Variants in GUCA1A observed in about 807,000 individuals in gnomAD.
The protein encoded by GUCA1A is guanylyl cyclase-activating protein 1.
In GUCA1A, 14 loss-of-function variants were observed where a neutral mutation model predicts 18.5. The observed-to-expected ratio is 0.76, with a 90% CI of 0.50 to 1.18. GUCA1A has a LOEUF of 1.18. Ranked by LOEUF, GUCA1A falls within the 50% of genes most tolerant of loss-of-function variation. The pLI, the probability that GUCA1A is intolerant of heterozygous loss-of-function variation, is 0.00. For missense variants in GUCA1A, 264 were observed against 262.4 expected (o/e 1.01, Z -0.04); for synonymous variants, 97 against 100.2 (o/e 0.97, Z 0.19).
At chr6:42,178,706 TC>T (rs1768029689) in intron 2 of GUCA1A, 95 bp from the exon 3 acceptor site, 1 of 1,008,240 alleles carries the variant, frequency 9.9e-7, no homozygotes, top group South Asian at 1.3e-5. Context: ...TCCTCACTGC[TC>T]TTGGGAGCCG....
At chr6:42,179,004 A>G in intron 3 of GUCA1A, 109 bp downstream of exon 3, 2 of 985,550 alleles carry the variant, frequency 2.0e-6, no homozygotes, top group Admixed American at 1.8e-5. Context: ...GAGAGGCCCA[A>G]AGGCCCCCGT....
At position 42,173,620 on chromosome 6, in the gene GUCA1A, A is replaced by T. The variant is rs751403058; in HGVS notation, c.7A>T (p.Asn3Tyr). MG[N>Y]VMEGKSVEEL... The stretch of plus-strand genomic sequence containing the variant: ...CCCCCTGAAGGCCTGAGCAATGGGC[A>T]ACGTGATGGAGGGAAAGTCAGTGGA... The change falls in exon 1 of 4, where the codon AAC (asparagine) becomes TAC (tyrosine). Residue 3 changes from asparagine (N) to tyrosine (Y), a missense_variant. Coordinates refer to ENST00000372958, the MANE Select transcript of GUCA1A (RefSeq NM_001384910.1). 1 of 1,613,780 alleles carries T rather than the reference A, an allele frequency of 6.2e-7. No individual in the cohort carries two copies. Among genetic ancestry groups the T allele is most frequent in the South Asian group, 1.1e-5 (1 of 91,074 alleles).
intron 2 of GUCA1A, 68 bp from the exon 3 acceptor site, chr6:42,178,734 C>T (rs1200113687): frequency 4.0e-6 from 5 of 1,250,660 alleles, no homozygotes; most frequent in East Asian, 4.6e-5. Context: ...CTCTGACCGT[C>T]CCCAATCCTA....
rs965029730 is a variant in GUCA1A at position 42,179,414 on chromosome 6, C to A, written c.*11C>A. 1 of 1,572,492 alleles carries A rather than the reference C, an allele frequency of 6.4e-7. No individual in the cohort carries two copies. The highest frequency in any genetic ancestry group is 8.6e-7 in the Non-Finnish European group (1 of 1,156,748). On this transcript the variant is annotated 3_prime_UTR_variant, in exon 4 of 4. Coordinates refer to ENST00000372958, the MANE Select transcript of GUCA1A (RefSeq NM_001384910.1). ...GAGGCAGCCGGCTGAGTGCACCGCC[C>A]GGCTGCTTCTGCACTAGCGGGTGGG...
In GUCA1A at chr6:42,173,479, C is replaced by A; in HGVS notation, c.-135C>A. 5 of 716,588 alleles carry A rather than the reference C, an allele frequency of 7.0e-6. No individual in the cohort carries two copies. Among genetic ancestry groups the A allele is most frequent in the Non-Finnish European group, 1.3e-5 (5 of 396,888 alleles). The allele number at this position is 716,588 out of a possible 1,614,324, so 44.4% of individuals were successfully genotyped here. ...TCCCGGTACCATCTGATCCATCAGG[C>A]CCTTCTTTGCTCAGGCCTGAAGGAC... On this transcript the variant is annotated 5_prime_UTR_variant, in exon 1 of 4. Transcript: ENST00000372958.
Position 42,178,788 on chromosome 6 carries a change from T to A in GUCA1A, c.352-14T>A. The A allele has an allele frequency of 2.5e-6, 4 of 1,599,464 alleles. No individual in the cohort carries two copies. The highest frequency in any genetic ancestry group is 3.4e-6 in the Non-Finnish European group (4 of 1,166,696). ...GATGGGCCCCTCTCACTTCTGCCCC[T>A]TCTTCCCTCCCAGGCCATTCGCGCC... On this transcript the variant is annotated splice_polypyrimidine_tract_variant and intron_variant, in intron 2 of 3. Coordinates refer to ENST00000372958, the MANE Select transcript of GUCA1A (RefSeq NM_001384910.1).
rs947104179 is a variant in GUCA1A, at chr6:42,173,457, C to T, written c.-157C>T. The T allele has an allele frequency of 6.0e-5, 41 of 681,466 alleles. No individual in the cohort carries two copies. The Admixed American group carries it at 6.6e-4, about 11-fold the overall frequency. 42.2% of individuals were successfully genotyped at this position (681,466 alleles called of 1,614,324 possible). A position where few individuals can be genotyped will look rare whatever the true frequency, so the allele number is the denominator to read the frequency against. On this transcript the variant is annotated 5_prime_UTR_variant, in exon 1 of 4. Transcript: ENST00000372958. ...CTGCTCTCTCCCTCTCCACATTTCCCGGTACCATCTGATCCATCAGGCCCT... is the reference window on the plus strand; with the variant it reads ...CTGCTCTCTCCCTCTCCACATTTCCTGGTACCATCTGATCCATCAGGCCCT...
At position 42,178,795 on chromosome 6, in the gene GUCA1A, C is replaced by T. The variant is rs1768031946; in HGVS notation, c.352-7C>T. 1.2e-6 allele frequency: 2 copies of T among 1,607,134 alleles called. No homozygotes were observed. The highest frequency in any genetic ancestry group is 8.5e-7 in the Non-Finnish European group (1 of 1,173,656). On this transcript the variant is annotated splice_polypyrimidine_tract_variant and splice_region_variant and intron_variant, in intron 2 of 3. Coordinates refer to ENST00000372958, the MANE Select transcript of GUCA1A (RefSeq NM_001384910.1). The stretch of plus-strand genomic sequence containing the variant: ...CCCTCTCACTTCTGCCCCTTCTTCC[C>T]TCCCAGGCCATTCGCGCCATTAACC...
At position 42,179,647 on chromosome 6, in the gene GUCA1A, AC is replaced by A; in HGVS notation, c.*245del. The A allele has an allele frequency of 2.3e-6, 1 of 441,974 alleles. No homozygotes were observed. Among genetic ancestry groups the A allele is most frequent in the East Asian group, 3.7e-5 (1 of 27,142 alleles). 27.4% of individuals were successfully genotyped at this position (441,974 alleles called of 1,614,324 possible). Reference sequence around the variant, plus strand: ...ACTCCTTGCTGGGGGGCACTGTTCAACATCCCTCTGCCGTCGGGTGACCCCC... The same window carrying A: ...ACTCCTTGCTGGGGGGCACTGTTCAAATCCCTCTGCCGTCGGGTGACCCCC... On this transcript the variant is annotated 3_prime_UTR_variant, in exon 4 of 4. Coordinates refer to ENST00000372958, the MANE Select transcript of GUCA1A (RefSeq NM_001384910.1).
intron 1 of GUCA1A, among the ~76,000 whole-genome samples, chr6:42,177,751 G>A (rs1767995415): frequency 6.6e-6 from 1 of 152,194 alleles, no homozygotes; most frequent in Admixed American, 6.5e-5. Flanking sequence ...CTGGGAGGTG[G>A]GTTGGGACTG....
In GUCA1A at chr6:42,178,957, G is replaced by A. The variant is rs552787295; in HGVS notation, c.445+62G>A. ...TCACCATGGATGTGGGGTCACCAGG[G>A]GTGGAAGGTCACTAAAGGAGAGGGT... On this transcript the variant is annotated intron_variant, in intron 3 of 3. Transcript: ENST00000372958. The A allele has an allele frequency of 3.9e-6, 5 of 1,276,242 alleles. No individual in the cohort carries two copies. The African/African-American group carries it at 5.8e-5, about 15-fold the overall frequency. The allele number at this position is 1,276,242 out of a possible 1,614,324, so 79.1% of individuals were successfully genotyped here.
Position 42,178,496 on chromosome 6 carries a change from G to T in GUCA1A, c.351+67G>T, listed in dbSNP as rs1409809097. On this transcript the variant is annotated intron_variant, in intron 2 of 3. Transcript: ENST00000372958. The stretch of plus-strand genomic sequence containing the variant: ...TGGGACCCGGAACTGAGAGCCCAGG[G>T]TTAGAACAACAATCTCAGGATTGAG... The T allele has an allele frequency of 1.3e-5, 18 of 1,390,874 alleles. No homozygotes were observed. The East Asian group carries it at 4.1e-4, about 32-fold the overall frequency. The allele number at this position is 1,390,874 out of a possible 1,614,324, so 86.2% of individuals were successfully genotyped here. A position where few individuals can be genotyped will look rare whatever the true frequency, so the allele number is the denominator to read the frequency against.
intron 1 of GUCA1A, 131 bp from the exon 2 acceptor site, chr6:42,178,149 G>C: frequency 9.3e-7 from 1 of 1,070,880 alleles, no homozygotes; most frequent in East Asian, 2.4e-5. Flanking sequence ...CATCTCCGAG[G>C]GTCCGGGTCT....
Position 42,173,387 on chromosome 6 carries a change from C to A in GUCA1A, c.-227C>A. On this transcript the variant is annotated 5_prime_UTR_variant, in exon 1 of 4. Transcript: ENST00000372958. Reference sequence around the variant, plus strand: ...TTAGTGGAGACTCTTAACACCAGTTCTCTGGCATCTGTGAGTTTGAGTGTG... The same window carrying A: ...TTAGTGGAGACTCTTAACACCAGTTATCTGGCATCTGTGAGTTTGAGTGTG... 1 of 604,540 alleles carries A rather than the reference C, an allele frequency of 1.7e-6. No homozygotes were observed. Among genetic ancestry groups the A allele is most frequent in the Non-Finnish European group, 3.0e-6 (1 of 336,968 alleles). The allele number at this position is 604,540 out of a possible 1,614,324, so 37.4% of individuals were successfully genotyped here.
chr6:42,173,766 G>T lies in GUCA1A; in HGVS notation c.153G>T (p.Ser51=). ...QFFGLKNLSP[S]ASQYVEQMFE... The stretch of plus-strand genomic sequence containing the variant: ...TCGGCCTCAAGAACCTGAGCCCGTC[G>T]GCCAGCCAGTACGTGGAACAGATGT... Residue 51 remains serine (S), a synonymous_variant, in exon 1 of 4, where the codon TCG becomes TCT. Transcript: ENST00000372958. 6.2e-7 allele frequency: 1 copy of T among 1,614,124 alleles called. No individual in the cohort carries two copies. Among genetic ancestry groups the T allele is most frequent in the South Asian group, 1.1e-5 (1 of 91,076 alleles).
At chr6:42,178,546 G>C (rs1282092967) in intron 2 of GUCA1A, 117 bp downstream of exon 2, 3 of 1,067,426 alleles carry the variant, frequency 2.8e-6, no homozygotes, top group Non-Finnish European at 4.3e-6. Flanking sequence ...TGAGGATCCT[G>C]GTGGCAGCTG....
rs372790347 is a variant in GUCA1A at position 42,178,478 on chromosome 6, C to A, written c.351+49C>A. 7.3e-6 allele frequency: 11 copies of A among 1,516,700 alleles called. No homozygotes were observed. In the Admixed American group the frequency reaches 1.3e-4, roughly 18 times the overall value. 94.0% of individuals were successfully genotyped at this position (1,516,700 alleles called of 1,614,324 possible). A position where few individuals can be genotyped will look rare whatever the true frequency, so the allele number is the denominator to read the frequency against. ...GGGGGCAGCGGTCTGGGGTGGGACC[C>A]GGAACTGAGAGCCCAGGGTTAGAAC... On this transcript the variant is annotated intron_variant, in intron 2 of 3. Transcript: ENST00000372958.
chr6:42,177,825 C>T (rs1240452571), intron 1 of GUCA1A, among the ~76,000 whole-genome samples: 1 of 152,204 alleles, frequency 6.6e-6, no homozygotes, highest in East Asian at 1.9e-4. Context: ...CCTCAGGCAG[C>T]AGGGTGAGAA....
Position 42,173,857 on chromosome 6 carries a change from A to T in GUCA1A, c.201+43A>T, listed in dbSNP as rs773141586. 8 of 1,478,788 alleles carry T rather than the reference A, an allele frequency of 5.4e-6. No homozygotes were observed. The South Asian group carries it at 9.1e-5, about 17-fold the overall frequency. The allele number at this position is 1,478,788 out of a possible 1,614,324, so 91.6% of individuals were successfully genotyped here. On this transcript the variant is annotated intron_variant, in intron 1 of 3. Coordinates refer to ENST00000372958, the MANE Select transcript of GUCA1A (RefSeq NM_001384910.1). Reference sequence around the variant, plus strand: ...GGCAGGGAGGGGAAGTGCTGGAGGGACCCCTCTGGAAGCCTGACCAGCTGG... The same window carrying T: ...GGCAGGGAGGGGAAGTGCTGGAGGGTCCCCTCTGGAAGCCTGACCAGCTGG...
Sources: gnomAD v4.1 joint callset for allele counts (sites outside exome capture counted in the v4.1 genomes callset) on GRCh38, gnomAD v4.1.1 for gene constraint, MANE v1.5 for transcripts, NCBI Gene and HGNC (gene_info 2026-07-23, HGNC 2026-07-21) for gene names.